The following CFAP95 variants were observed in gnomAD, a reference collection of about 807,000 sequenced individuals.
CFAP95 encodes cilia- and flagella-associated protein 95.
chr9:69,828,146 A>G, the CFAP95 span, among the ~76,000 whole-genome samples: 1 of 152,092 alleles, frequency 6.6e-6, no homozygotes, highest in Non-Finnish European at 1.5e-5. Flanking sequence ...AAAATATCTC[A>G]CTCAGAACTC....
the CFAP95 span, among the ~76,000 whole-genome samples, chr9:69,835,539 C>A: frequency 6.6e-6 from 1 of 152,208 alleles, no homozygotes; most frequent in Non-Finnish European, 1.5e-5. Context: ...CAGACTGAGC[C>A]AGGATACTCT....
chr9:69,868,898 G>T, the CFAP95 span, among the ~76,000 whole-genome samples: 1 of 150,952 alleles, frequency 6.6e-6, no homozygotes, highest in Non-Finnish European at 1.5e-5. Context: ...ATTTAAAAAG[G>T]TGCTCAACAT....
At chr9:69,868,908 T>A in the CFAP95 span, among the ~76,000 whole-genome samples, 1 of 151,426 alleles carries the variant, frequency 6.6e-6, no homozygotes, top group Non-Finnish European at 1.5e-5. Context: ...GTGCTCAACA[T>A]CACTAATTAC....
At chr9:69,881,278 T>C in the CFAP95 span, among the ~76,000 whole-genome samples, 3 of 152,348 alleles carry the variant, frequency 2.0e-5, no homozygotes, top group South Asian at 2.1e-4. Flanking sequence ...TGTTTTCTTG[T>C]AGTAGTTTCA....
the CFAP95 span, among the ~76,000 whole-genome samples, chr9:69,896,251 T>C: frequency 6.6e-6 from 1 of 152,186 alleles, no homozygotes; most frequent in African/African-American, 2.4e-5. Flanking sequence ...ATGATTGAAG[T>C]GATAGAACCA....
chr9:69,831,294 A>G, the CFAP95 span, among the ~76,000 whole-genome samples: 113 of 152,326 alleles, frequency 7.4e-4, no homozygotes, highest in African/African-American at 2.6e-3. Flanking sequence ...ATTAAAATAT[A>G]GGAATAAATA....
chr9:69,900,352 A>G, the CFAP95 span, among the ~76,000 whole-genome samples: 17 of 152,196 alleles, frequency 1.1e-4, no homozygotes, highest in Admixed American at 9.2e-4. Context: ...ATCCAGATAC[A>G]TGAAGAGAAG....
chr9:69,875,556 G>GGA, the CFAP95 span, among the ~76,000 whole-genome samples: 1 of 152,190 alleles, frequency 6.6e-6, no homozygotes, highest in East Asian at 1.9e-4. Context: ...TTACACGAGT[G>GGA]GAGAGATACC....
At chr9:69,893,038 T>C in the CFAP95 span, among the ~76,000 whole-genome samples, 1 of 152,216 alleles carries the variant, frequency 6.6e-6, no homozygotes, top group Non-Finnish European at 1.5e-5. Flanking sequence ...GAGCTCAGGA[T>C]ACAGAGGGCT....
the CFAP95 span, among the ~76,000 whole-genome samples, chr9:69,836,031 C>T: frequency 6.6e-6 from 1 of 152,186 alleles, no homozygotes; most frequent in East Asian, 1.9e-4. Context: ...TTCAGTCCTG[C>T]AACTCAATGT....
the CFAP95 span, among the ~76,000 whole-genome samples, chr9:69,856,056 A>G: frequency 6.6e-6 from 1 of 152,130 alleles, no homozygotes; most frequent in Non-Finnish European, 1.5e-5. Context: ...GTTACCCTTG[A>G]TGTTTCTGCA....
chr9:69,856,591 A>G, the CFAP95 span: 1 of 1,611,332 alleles, frequency 6.2e-7, no homozygotes, highest in Non-Finnish European at 8.5e-7. Context: ...GTTGTCACAA[A>G]TGTGTTTAAA....
the CFAP95 span, among the ~76,000 whole-genome samples, chr9:69,835,302 G>A: frequency 6.6e-6 from 1 of 152,206 alleles, no homozygotes; most frequent in East Asian, 1.9e-4. Context: ...AAAGAAAAGT[G>A]TGTCTCTTGT....
chr9:69,837,439 G>T, the CFAP95 span, among the ~76,000 whole-genome samples: 2 of 152,134 alleles, frequency 1.3e-5, no homozygotes, highest in Non-Finnish European at 2.9e-5. Context: ...GGTGTGAGAT[G>T]GTATCTCATT....
At chr9:69,852,960 C>A in the CFAP95 span, among the ~76,000 whole-genome samples, 2 of 152,160 alleles carry the variant, frequency 1.3e-5, no homozygotes, top group African/African-American at 4.8e-5. Context: ...TATGAGGCCT[C>A]CCCAGCCCAG....
At chr9:69,834,059 T>C in the CFAP95 span, among the ~76,000 whole-genome samples, 1 of 152,192 alleles carries the variant, frequency 6.6e-6, no homozygotes, top group Non-Finnish European at 1.5e-5. Context: ...AGATTAAGAC[T>C]ATTGGAATAG....
At chr9:69,820,901 T>C in the CFAP95 span, 2 of 1,614,094 alleles carry the variant, frequency 1.2e-6, no homozygotes, top group Non-Finnish European at 1.7e-6. Context: ...TGACAGATCC[T>C]GCCAGGACTG....
At chr9:69,854,856 C>G in the CFAP95 span, among the ~76,000 whole-genome samples, 2 of 152,198 alleles carry the variant, frequency 1.3e-5, no homozygotes, top group Non-Finnish European at 2.9e-5. Context: ...GCCCTCACTA[C>G]AGCTGTAGGT....
At chr9:69,845,424 G>C in the CFAP95 span, among the ~76,000 whole-genome samples, 3 of 152,150 alleles carry the variant, frequency 2.0e-5, no homozygotes, top group Non-Finnish European at 2.9e-5. Flanking sequence ...GTGATGAAAA[G>C]ATTGGGTTTG....
Sources: allele counts gnomAD v4.1 joint callset (sites outside exome capture counted in the v4.1 genomes callset), GRCh38; gene constraint gnomAD v4.1.1; transcripts MANE v1.5; gene names NCBI Gene and HGNC (gene_info 2026-07-23, HGNC 2026-07-21).